The following PPP6R1 variants were observed in gnomAD, a reference collection of about 807,000 sequenced individuals.
The protein encoded by PPP6R1 is serine/threonine-protein phosphatase 6 regulatory subunit 1.
PPP6R1 carries 39 observed loss-of-function variants against 104.6 expected under a neutral mutation model. The observed-to-expected ratio is 0.37, with a 90% confidence interval of 0.29 to 0.49. The LOEUF (loss-of-function observed/expected upper bound fraction) is 0.49. PPP6R1 is among the 20% of genes least tolerant of loss of function. The pLI, the probability that PPP6R1 is intolerant of heterozygous loss-of-function variation, is 0.98. For missense variants in PPP6R1, 1,181 were observed against 1,155.8 expected (o/e 1.02, Z -0.32); for synonymous variants, 549 against 479.0 (o/e 1.15, Z -1.91).
At chr19:55,252,328 C>G (rs1980411731) in intron 1 of PPP6R1, among the ~76,000 whole-genome samples, 1 of 144,832 alleles carries the variant, frequency 6.9e-6, no homozygotes, top group African/African-American at 2.6e-5. Flanking sequence ...CTCCTGGGTT[C>G]AAGCATATCT....
chr19:55,245,098 C>T lies in PPP6R1; in HGVS notation c.618+22G>A. ...GGGAAGGAACTCTAAGGGGAATCCG[C>T]AGGGGCATCGGCAGCACTCACATTC... On this transcript the variant is annotated intron_variant, in intron 5 of 23. Coordinates refer to ENST00000412770, the MANE Select transcript of PPP6R1 (RefSeq NM_014931.4). The surrounding 1 kb of genome is among the most constrained non-coding windows in gnomAD (Gnocchi z 6.4). 6.2e-7 allele frequency: 1 copy of T among 1,612,114 alleles called. No individual in the cohort carries two copies. Among genetic ancestry groups the T allele is most frequent in the South Asian group, 1.1e-5 (1 of 90,514 alleles).
At chr19:55,250,010 C>A (rs996523363) in intron 1 of PPP6R1, among the ~76,000 whole-genome samples, 1 of 152,214 alleles carries the variant, frequency 6.6e-6, no homozygotes, top group African/African-American at 2.4e-5. Flanking sequence ...GTGCCCCATG[C>A]CACCTCGCCA....
chr19:55,238,552 T>C (rs1395433568), intron 15 of PPP6R1: 1 of 152,546 alleles, frequency 6.6e-6, no homozygotes, highest in Non-Finnish European at 1.5e-5. Flanking sequence ...TGGAGTGCAG[T>C]GGGACAATCT....
intron 19 of PPP6R1, 36 bp downstream of exon 19, chr19:55,231,765 TA>T (rs760046727): frequency 6.7e-7 from 1 of 1,492,762 alleles, no homozygotes; most frequent in African/African-American, 1.4e-5. Flanking sequence ...GGCCTCGGGA[TA>T]CCAGCACCAT....
rs1568949268 is a variant in PPP6R1, at chr19:55,245,803, G to GAAGGGGA, written c.228-132_228-126dup. On this transcript the variant is annotated intron_variant, in intron 2 of 23. Coordinates refer to ENST00000412770, the MANE Select transcript of PPP6R1 (RefSeq NM_014931.4). The surrounding 1 kb of genome is among the most constrained non-coding windows in gnomAD (Gnocchi z 6.4). ...GGGAACTGCAGAGACCCCTGTCCAG[G>GAAGGGGA]AAGGGGAAAGGGCAGAGGACAGGGT... 5 of 791,910 alleles carry GAAGGGGA rather than the reference G, an allele frequency of 6.3e-6. No homozygotes were observed. Among genetic ancestry groups the GAAGGGGA allele is most frequent in the Non-Finnish European group, 1.0e-5 (5 of 500,214 alleles). The allele number at this position is 791,910 out of a possible 1,614,324, so 49.1% of individuals were successfully genotyped here. A position where few individuals can be genotyped will look rare whatever the true frequency, so the allele number is the denominator to read the frequency against.
downstream of PPP6R1, chr19:55,228,797 G>A: frequency 6.4e-7 from 1 of 1,573,290 alleles, no homozygotes; most frequent in Non-Finnish European, 8.7e-7. Context: ...TTCAGGGGGT[G>A]GAGGGGAGGG....
In PPP6R1 at chr19:55,239,983, G is replaced by A. The variant is rs771424647; in HGVS notation, c.1477+16C>T. 3 of 1,607,688 alleles carry A rather than the reference G, an allele frequency of 1.9e-6. No homozygotes were observed. Among genetic ancestry groups the A allele is most frequent in the Non-Finnish European group, 2.5e-6 (3 of 1,177,438 alleles). Reference sequence around the variant, plus strand: ...AGCCCCCCACCTAGCCCTCAGGCCGGCCTGGGGACCCTCACCCTTCAGCAG... The same window carrying A: ...AGCCCCCCACCTAGCCCTCAGGCCGACCTGGGGACCCTCACCCTTCAGCAG... On this transcript the variant is annotated intron_variant, in intron 12 of 23. Coordinates refer to ENST00000412770, the MANE Select transcript of PPP6R1 (RefSeq NM_014931.4).
At chr19:55,232,412 C>T (rs927960679) in intron 17 of PPP6R1, 6 of 698,070 alleles carry the variant, frequency 8.6e-6, no homozygotes, top group South Asian at 7.0e-5. Flanking sequence ...AGAACACAGG[C>T]GGGCAGGGAC....
intron 21 of PPP6R1, 36 bp downstream of exon 21, chr19:55,231,374 T>C: frequency 6.5e-7 from 1 of 1,544,300 alleles, no homozygotes. Context: ...AGAAAAGACT[T>C]CTCCCGATAC....
At chr19:55,236,577 T>C in intron 17 of PPP6R1, 66 bp downstream of exon 17, 1 of 1,439,814 alleles carries the variant, frequency 6.9e-7, no homozygotes, top group African/African-American at 1.4e-5. Flanking sequence ...CCAAATGTGT[T>C]GGGGGGACCC....
intron 21 of PPP6R1, 107 bp from the exon 22 acceptor site, chr19:55,230,991 A>G: frequency 1.0e-6 from 1 of 958,616 alleles, no homozygotes. Flanking sequence ...TGTGTCTGCC[A>G]CCTGCCCCAC....
At position 55,239,838 on chromosome 19, in the gene PPP6R1, GTTC is replaced by G. The variant is rs1438419862; in HGVS notation, c.1548_1550del (p.Lys516del). 5.0e-6 allele frequency: 8 copies of G among 1,613,796 alleles called. No individual in the cohort carries two copies. Among genetic ancestry groups the G allele is most frequent in the Non-Finnish European group, 6.8e-6 (8 of 1,179,836 alleles). ...AGCTGGGCCTCACCAGGTCCACCAT[GTTC>G]TTCTTGTTGGTCTCCGCCAGGGGCC... On this transcript the variant is annotated inframe_deletion, in exon 13 of 24. Coordinates refer to ENST00000412770, the MANE Select transcript of PPP6R1 (RefSeq NM_014931.4).
intron 1 of PPP6R1, among the ~76,000 whole-genome samples, chr19:55,255,081 G>T (rs1435265960): frequency 6.6e-6 from 1 of 152,216 alleles, no homozygotes; most frequent in Non-Finnish European, 1.5e-5. Context: ...CTGTGGCTTG[G>T]GAAAGCCTTG....
chr19:55,252,892 A>G lies in PPP6R1; in HGVS notation c.-7+5543T>C, dbSNP rs529279608. Among the ~76,000 whole-genome samples the G allele has an allele frequency of 1.9e-4, 27 of 143,572 alleles. No homozygotes were observed. The South Asian group carries it at 1.9e-3, about 10-fold the overall frequency. The allele number at this position is 143,572 out of a possible 152,430, so 94.2% of individuals were successfully genotyped here. A position where few individuals can be genotyped will look rare whatever the true frequency, so the allele number is the denominator to read the frequency against. On this transcript the variant is annotated intron_variant, in intron 1 of 23. Coordinates refer to ENST00000412770, the MANE Select transcript of PPP6R1 (RefSeq NM_014931.4). ...ATATCTCAATAAAAACTGTTGGGGG[A>G]AAAAAAAAAACCTGCCTCAGGCCAT...
rs546788821 is a variant in PPP6R1 at position 55,231,535 on chromosome 19, G to A, written c.2378-44C>T. 224 of 1,597,858 alleles carry A rather than the reference G, an allele frequency of 1.4e-4. 4 individuals carry two copies. In the South Asian group the frequency reaches 1.5e-3, roughly 10 times the overall value. ...CTCAGCTGCAGCTCCCAGCAAGCTC[G>A]GAGCTGGCCAGGCTGCTCTCTCTGC... On this transcript the variant is annotated intron_variant, in intron 20 of 23. Transcript: ENST00000412770.
intron 17 of PPP6R1, among the ~76,000 whole-genome samples, chr19:55,234,469 A>G (rs1165805114): frequency 1.3e-5 from 2 of 152,236 alleles, no homozygotes; most frequent in Non-Finnish European, 2.9e-5. Context: ...CTATATGTAA[A>G]GGGATGAAGG....
At chr19:55,249,485 C>G (rs1468462893) in intron 1 of PPP6R1, among the ~76,000 whole-genome samples, 1 of 152,104 alleles carries the variant, frequency 6.6e-6, no homozygotes, top group Admixed American at 6.5e-5. Context: ...AGGTGATCCG[C>G]CCACCTGGGC....
rs774362557 is a variant in PPP6R1 at position 55,245,232 on chromosome 19, C to T, written c.552+33G>A. ...ATGCATCGCTGTCCACCACGCCCAG[C>T]CCCCCACCCCCAGAGGAGCCGGCCC... On this transcript the variant is annotated intron_variant, in intron 4 of 23. Coordinates refer to ENST00000412770, the MANE Select transcript of PPP6R1 (RefSeq NM_014931.4). This position sits in a 1 kb window ranked among gnomAD's most constrained non-coding sequence, Gnocchi z 6.4. 6.9e-6 allele frequency: 11 copies of T among 1,601,538 alleles called. No individual in the cohort carries two copies. In the East Asian group the frequency reaches 2.5e-4, roughly 36 times the overall value.
In PPP6R1 at chr19:55,242,497, G is replaced by T; in HGVS notation, c.619-9C>A. The stretch of plus-strand genomic sequence containing the variant: ...GATGCGTTGGAATGTTGCTGGAACG[G>T]GGAGAGACAGGTGAGGATCCTGGTC... On this transcript the variant is annotated splice_polypyrimidine_tract_variant and intron_variant, in intron 5 of 23. Transcript: ENST00000412770. The T allele has an allele frequency of 1.2e-6, 2 of 1,608,130 alleles. No homozygotes were observed. Among genetic ancestry groups the T allele is most frequent in the South Asian group, 1.1e-5 (1 of 90,936 alleles).
Sources: gnomAD v4.1 joint callset for allele counts (sites outside exome capture counted in the v4.1 genomes callset) on GRCh38, gnomAD v4.1.1 for gene constraint, Gnocchi (gnomAD v3.1) non-coding constraint, MANE v1.5 for transcripts, NCBI Gene and HGNC (gene_info 2026-07-23, HGNC 2026-07-21) for gene names.